ZMYND8: variants seen among roughly 807,000 people sequenced by gnomAD.
The protein encoded by ZMYND8 is MYND-type zinc finger-containing chromatin reader ZMYND8.
ZMYND8 carries 37 observed loss-of-function variants against 140.8 expected under a neutral mutation model. The ratio of observed to expected loss-of-function variants is 0.26; its 90% CI spans 0.20 to 0.35. The LOEUF (loss-of-function observed/expected upper bound fraction) is 0.35, where lower values mean the gene tolerates loss of function less well. Ranked by LOEUF, ZMYND8 falls within the 10% of genes least tolerant of loss-of-function variation. The pLI, the probability that ZMYND8 is intolerant of heterozygous loss-of-function variation, is 1.00. For missense variants in ZMYND8, 1,068 were observed against 1,570.0 expected, an observed-to-expected ratio of 0.68 and a Z score of 5.40; for synonymous variants, 592 against 597.1, an observed-to-expected ratio of 0.99 and a Z score of 0.12.
Position 47,333,322 on chromosome 20 carries a change from C to T in ZMYND8, c.85+14534G>A, listed in dbSNP as rs947818441. ...CATTGCACTCCAGCCTGGGCAACAT[C>T]GTGAGACCCCATCAGAAAGTAAGGC... On this transcript the variant is annotated intron_variant, in intron 2 of 22. Coordinates refer to ENST00000471951, the MANE Select transcript of ZMYND8 (RefSeq NM_001281775.3). 2.7e-5 allele frequency among the ~76,000 whole-genome samples: 4 copies of T among 150,094 alleles called. No individual in the cohort carries two copies. In the South Asian group the frequency reaches 8.5e-4, roughly 32 times the overall value.
chr20:47,316,317 C>G (rs1478146108), intron 2 of ZMYND8, among the ~76,000 whole-genome samples: 2 of 145,168 alleles, frequency 1.4e-5, no homozygotes, highest in Non-Finnish European at 3.0e-5. Context: ...GGCAACAGAA[C>G]GAGACTTTGT....
At chr20:47,219,812 AT>A (rs1167955326) in intron 21 of ZMYND8, among the ~76,000 whole-genome samples, 1 of 152,204 alleles carries the variant, frequency 6.6e-6, no homozygotes, top group Admixed American at 6.5e-5. Flanking sequence ...CAGAAAGATC[AT>A]CCACTTAAGC....
chr20:47,332,049 A>G (rs2080999184), intron 2 of ZMYND8, among the ~76,000 whole-genome samples: 1 of 152,164 alleles, frequency 6.6e-6, no homozygotes, highest in South Asian at 2.1e-4. Context: ...TAAAAATACA[A>G]AAAGTGTAAA....
At chr20:47,253,092 T>G (rs1037532093) in intron 12 of ZMYND8, among the ~76,000 whole-genome samples, 9 of 152,254 alleles carry the variant, frequency 5.9e-5, no homozygotes, top group Admixed American at 5.9e-4. Flanking sequence ...CCGTAAAATC[T>G]GCCATCTTCT....
At chr20:47,326,492 A>C (rs960847778) in intron 2 of ZMYND8, among the ~76,000 whole-genome samples, 1 of 152,238 alleles carries the variant, frequency 6.6e-6, no homozygotes, top group Non-Finnish European at 1.5e-5. Flanking sequence ...CTCCAGGGAA[A>C]ACATATTCCC....
At chr20:47,343,699 G>A (rs1198591443) in intron 2 of ZMYND8, among the ~76,000 whole-genome samples, 5 of 152,166 alleles carry the variant, frequency 3.3e-5, no homozygotes, top group African/African-American at 9.7e-5. Flanking sequence ...ATTTTGCCAC[G>A]TTGGCCAGGC....
At chr20:47,284,000 G>T (rs932357645) in intron 8 of ZMYND8, among the ~76,000 whole-genome samples, 2 of 151,806 alleles carry the variant, frequency 1.3e-5, no homozygotes, top group African/African-American at 4.8e-5. Flanking sequence ...TGGGCTCATT[G>T]CAACTTTCGC....
chr20:47,313,388 C>A (rs1465952854), intron 2 of ZMYND8, among the ~76,000 whole-genome samples: 1 of 151,948 alleles, frequency 6.6e-6, no homozygotes, highest in Admixed American at 6.6e-5. Context: ...TTTGGGAGGC[C>A]AAGGCGGGCG....
At chr20:47,310,579 C>T (rs924547705) in intron 2 of ZMYND8, among the ~76,000 whole-genome samples, 1 of 151,898 alleles carries the variant, frequency 6.6e-6, no homozygotes, top group African/African-American at 2.4e-5. Flanking sequence ...GGGCAGATCA[C>T]AAGGTCAAGA....
intron 17 of ZMYND8, among the ~76,000 whole-genome samples, chr20:47,228,861 C>G (rs2038082281): frequency 1.3e-5 from 2 of 152,198 alleles, no homozygotes; most frequent in Admixed American, 6.5e-5. Flanking sequence ...CCGTTTGCAT[C>G]TGGCCTACAT....
chr20:47,310,077 C>A lies in ZMYND8; in HGVS notation c.213G>T (p.Leu71=). Residue 71 remains leucine, a synonymous_variant, in exon 3 of 23, where the codon CTG becomes CTT. Transcript: ENST00000471951. ...TTACCTGCTCCTTATTGTTACTGTTCAGTAAGCCAGGTTTCTTTTTCTTTT... is the reference window on the plus strand; with the variant it reads ...TTACCTGCTCCTTATTGTTACTGTTAAGTAAGCCAGGTTTCTTTTTCTTTT... ...PIKKKKKPGL[L]NSNNKEQSEL... 2 of 1,614,196 alleles carry A rather than the reference C, an allele frequency of 1.2e-6. No individual in the cohort carries two copies. The highest frequency in any genetic ancestry group is 1.7e-6 in the Non-Finnish European group (2 of 1,180,030).
At chr20:47,241,582 A>G (rs148020817) in intron 14 of ZMYND8, among the ~76,000 whole-genome samples, 1 of 152,132 alleles carries the variant, frequency 6.6e-6, no homozygotes, top group Non-Finnish European at 1.5e-5. Flanking sequence ...AAGGGAGGTT[A>G]GAGCCAGAAG....
At chr20:47,301,787 T>C (rs6094656) in intron 3 of ZMYND8, among the ~76,000 whole-genome samples, 4,866 of 152,258 alleles carry the variant, frequency 0.032, 256 homozygotes, top group African/African-American at 0.11. Flanking sequence ...ATAAGGTATG[T>C]GATATGGTTT....
intron 12 of ZMYND8, among the ~76,000 whole-genome samples, chr20:47,255,639 T>A (rs13037017): frequency 7.7e-6 from 1 of 129,686 alleles, no homozygotes; most frequent in Admixed American, 8.0e-5. Flanking sequence ...TCAGTATATA[T>A]ATACCATATA....
At chr20:47,212,495 A>AG (rs1281265774) in intron 22 of ZMYND8, 147 bp downstream of exon 22, 1 of 872,838 alleles carries the variant, frequency 1.1e-6, no homozygotes, top group African/African-American at 1.7e-5. Context: ...ACAGCGAAGA[A>AG]GAAACGTTGC....
chr20:47,356,382 G>A, intron 1 of ZMYND8: 4 of 1,521,078 alleles, frequency 2.6e-6, no homozygotes, highest in Non-Finnish European at 3.5e-6. Flanking sequence ...TGGCATACCA[G>A]GATCTAGCTT....
At chr20:47,315,022 G>T (rs2079267288) in intron 2 of ZMYND8, among the ~76,000 whole-genome samples, 1 of 152,156 alleles carries the variant, frequency 6.6e-6, no homozygotes, top group African/African-American at 2.4e-5. Flanking sequence ...CTTTGCAAAG[G>T]TGTCCTCAGC....
chr20:47,315,274 T>C (rs1339275404), intron 2 of ZMYND8, among the ~76,000 whole-genome samples: 1 of 152,116 alleles, frequency 6.6e-6, no homozygotes, highest in East Asian at 1.9e-4. Flanking sequence ...CCTGAGAGTA[T>C]TCCAAACCTT....
chr20:47,262,190 G>T (rs2075206467), intron 12 of ZMYND8, 98 bp downstream of exon 12: 1 of 1,539,702 alleles, frequency 6.5e-7, no homozygotes, highest in South Asian at 1.2e-5. Flanking sequence ...ATAGAGAAAA[G>T]AGTTGAAGGT....
Sources: gnomAD v4.1 joint callset for allele counts (sites outside exome capture counted in the v4.1 genomes callset) on GRCh38, gnomAD v4.1.1 for gene constraint, MANE v1.5 for transcripts, NCBI Gene and HGNC (gene_info 2026-07-23, HGNC 2026-07-21) for gene names.